Variants in FRYL observed in about 807,000 individuals in gnomAD.
FRYL encodes protein furry homolog-like.
FRYL carries 150 observed loss-of-function variants against 351.2 expected under a neutral mutation model. The observed-to-expected ratio is 0.43, with a 90% CI of 0.37 to 0.49. The LOEUF (loss-of-function observed/expected upper bound fraction) is 0.49. Ranked by LOEUF, FRYL falls within the 20% of genes least tolerant of loss-of-function variation. FRYL has a pLI of 0.00. For synonymous variants in FRYL, 1,153 were observed against 1,257.1 expected (o/e 0.92, Z 1.75); for missense variants, 3,036 against 3,619.3 (o/e 0.84, Z 4.13).
At chr4:48,537,479 G>A (rs945801229) in intron 47 of FRYL, among the ~76,000 whole-genome samples, 4 of 152,078 alleles carry the variant, frequency 2.6e-5, no homozygotes, top group African/African-American at 9.7e-5. Context: ...CTCTCCAAAG[G>A]CACAAACAGT....
At chr4:48,625,785 A>G (rs1179096334) in intron 4 of FRYL, among the ~76,000 whole-genome samples, 2 of 152,118 alleles carry the variant, frequency 1.3e-5, no homozygotes, top group Non-Finnish European at 2.9e-5. Flanking sequence ...GGTAGACATA[A>G]ATTTATAGAT....
At chr4:48,734,792 A>ATT (rs1771123310) in intron 1 of FRYL, among the ~76,000 whole-genome samples, 1 of 152,180 alleles carries the variant, frequency 6.6e-6, no homozygotes, top group African/African-American at 2.4e-5. Flanking sequence ...CATTTATTAA[A>ATT]TAGGGAATCC....
In FRYL at chr4:48,598,844, T is replaced by C. The variant is rs1357072010; in HGVS notation, c.1036-2844A>G. 5 of 984,926 alleles carry C rather than the reference T, an allele frequency of 5.1e-6. 1 individual carries two copies. Among genetic ancestry groups the C allele is most frequent in the Non-Finnish European group, 6.0e-6 (5 of 829,568 alleles). The allele number at this position is 984,926 out of a possible 1,614,324, so 61.0% of individuals were successfully genotyped here. A position where few individuals can be genotyped will look rare whatever the true frequency, so the allele number is the denominator to read the frequency against. ...CACAACTCACCTGGAGTGTTTCTAT[T>C]TGTTTTCTGATACTGTTGTTAGATG... On this transcript the variant is annotated intron_variant, in intron 13 of 63. Transcript: ENST00000358350.
chr4:48,651,212 CCGTGTGTG>C (rs1455685769), intron 3 of FRYL, among the ~76,000 whole-genome samples: 2 of 112,384 alleles, frequency 1.8e-5, no homozygotes, highest in African/African-American at 7.6e-5. Flanking sequence ...ACCACATGCA[CCGTGTGTG>C]TGTGTGTGTG....
chr4:48,675,384 G>A (rs995309723), intron 3 of FRYL, among the ~76,000 whole-genome samples: 1 of 152,238 alleles, frequency 6.6e-6, no homozygotes, highest in Admixed American at 6.5e-5. Flanking sequence ...GGCGCTTGCG[G>A]GCCAGCTGGA....
intron 35 of FRYL, 40 bp from the exon 36 acceptor site, chr4:48,553,423 T>C: frequency 6.8e-7 from 1 of 1,462,570 alleles, no homozygotes; most frequent in South Asian, 1.2e-5. Flanking sequence ...AAAAGCAAAG[T>C]TTTTATCTCA....
intron 1 of FRYL, among the ~76,000 whole-genome samples, chr4:48,741,667 T>A (rs1772092453): frequency 6.6e-6 from 1 of 151,836 alleles, no homozygotes; most frequent in African/African-American, 2.4e-5. Flanking sequence ...CTATACTCCA[T>A]CCCAGGCGAC....
Position 48,510,828 on chromosome 4 carries a change from AACTT to A in FRYL, c.8295+3_8295+6del, listed in dbSNP as rs754998076. The A allele has an allele frequency of 6.2e-7, 1 of 1,606,850 alleles. No individual in the cohort carries two copies. The highest frequency in any genetic ancestry group is 1.1e-5 in the South Asian group (1 of 89,708). ...TCTTTATAATAAACCTGCATGTAAA[AACTT>A]ACTGTTTCAGCATCCACAAAGACTG... On this transcript the variant is annotated splice_donor_5th_base_variant and intron_variant, in intron 58 of 63. Transcript: ENST00000358350.
At chr4:48,711,149 G>A (rs1416836258) in intron 1 of FRYL, among the ~76,000 whole-genome samples, 1 of 152,204 alleles carries the variant, frequency 6.6e-6, no homozygotes, top group Non-Finnish European at 1.5e-5. Flanking sequence ...CAGAAGACGG[G>A]TGATTTCTGC....
Position 48,600,532 on chromosome 4 carries a change from G to A in FRYL, c.1035+1488C>T, listed in dbSNP as rs567184544. Among the ~76,000 whole-genome samples the A allele has an allele frequency of 3.3e-5, 5 of 152,146 alleles. No homozygotes were observed. The South Asian group carries it at 1.0e-3, about 32-fold the overall frequency. The stretch of plus-strand genomic sequence containing the variant: ...GAGGTAAGGGTTCAAAGAAAACAGA[G>A]CATTTAAATGAAAGCCTTAAGACAA... On this transcript the variant is annotated intron_variant, in intron 13 of 63. Transcript: ENST00000358350.
chr4:48,503,628 CCGTAAA>C (rs1330349377), intron 60 of FRYL, among the ~76,000 whole-genome samples: 1 of 152,204 alleles, frequency 6.6e-6, no homozygotes, highest in Non-Finnish European at 1.5e-5. Flanking sequence ...AATTGTTACA[CCGTAAA>C]TGTATCTTCT....
At chr4:48,754,291 G>T (rs1253033387) in intron 1 of FRYL, among the ~76,000 whole-genome samples, 4 of 151,952 alleles carry the variant, frequency 2.6e-5, no homozygotes, top group South Asian at 2.1e-4. Flanking sequence ...TTTTTTTAAA[G>T]GTTCATGCAC....
At chr4:48,560,022 C>T (rs1210064352) in intron 33 of FRYL, among the ~76,000 whole-genome samples, 1 of 151,814 alleles carries the variant, frequency 6.6e-6, no homozygotes, top group Non-Finnish European at 1.5e-5. Flanking sequence ...CTAAGGCATG[C>T]AGGAGGACTG....
intron 33 of FRYL, among the ~76,000 whole-genome samples, chr4:48,560,997 C>G (rs77377716): frequency 0.018 from 2,804 of 152,250 alleles, 84 homozygotes; most frequent in African/African-American, 0.063. Flanking sequence ...AGGCGACAAG[C>G]AACATGTGGG....
intron 2 of FRYL, among the ~76,000 whole-genome samples, chr4:48,685,455 C>T (rs534791629): frequency 2.5e-4 from 38 of 152,230 alleles, no homozygotes; most frequent in Non-Finnish European, 4.9e-4. Flanking sequence ...TAAACTAATA[C>T]ACCACAACTT....
Position 48,576,199 on chromosome 4 carries a change from A to C in FRYL, c.2552T>G (p.Val851Gly). The change falls in exon 24 of 64, where the codon GTA becomes GGA. Residue 851 changes from valine to glycine, a missense_variant. Physicochemically the swap from Val to Gly is moderately radical, Grantham distance 109. Coordinates refer to ENST00000358350, the MANE Select transcript of FRYL (RefSeq NM_015030.2). ...DINSPINAKKVNTTTSSDSYI... is the reference protein window; with the variant it reads ...DINSPINAKKGNTTTSSDSYI... ...TGAGTCACTGCTTGTGGTGGTATTTACTTTCTTAGCATTGATGGGGCTACT... is the reference window on the plus strand; with the variant it reads ...TGAGTCACTGCTTGTGGTGGTATTTCCTTTCTTAGCATTGATGGGGCTACT... 1 of 1,607,828 alleles carries C rather than the reference A, an allele frequency of 6.2e-7. No homozygotes were observed. Among genetic ancestry groups the C allele is most frequent in the Non-Finnish European group, 8.5e-7 (1 of 1,177,474 alleles).
At chr4:48,517,519 C>T (rs1390875425) in intron 55 of FRYL, among the ~76,000 whole-genome samples, 2 of 152,106 alleles carry the variant, frequency 1.3e-5, no homozygotes, top group Non-Finnish European at 2.9e-5. Flanking sequence ...TTGTACTTCA[C>T]CTTATTAGAC....
intron 25 of FRYL, among the ~76,000 whole-genome samples, chr4:48,574,803 A>T (rs1739234417): frequency 2.6e-5 from 4 of 152,222 alleles, no homozygotes; most frequent in African/African-American, 9.6e-5. Flanking sequence ...ACATTAAAAG[A>T]ATGACTACAT....
rs915664289 is a variant in FRYL at position 48,605,673 on chromosome 4, T to A, written c.834+68A>T. ...ATGTAAGTATTTTTAGGACAAAAAA[T>A]AAAAGTATAAGGTTGATAAGGTTCT... On this transcript the variant is annotated intron_variant, in intron 11 of 63. Coordinates refer to ENST00000358350, the MANE Select transcript of FRYL (RefSeq NM_015030.2). The A allele has an allele frequency of 1.6e-5, 17 of 1,041,024 alleles. No individual in the cohort carries two copies. In the Admixed American group the frequency reaches 2.4e-4, roughly 14 times the overall value. The allele number at this position is 1,041,024 out of a possible 1,614,324, so 64.5% of individuals were successfully genotyped here.
Sources: gnomAD v4.1 joint callset for allele counts (sites outside exome capture counted in the v4.1 genomes callset) on GRCh38, gnomAD v4.1.1 for gene constraint, MANE v1.5 for transcripts, NCBI Gene and HGNC (gene_info 2026-07-23, HGNC 2026-07-21) for gene names.